The following CNTN5 variants were observed in gnomAD, a reference collection of about 807,000 sequenced individuals.
CNTN5 encodes the protein contactin-5.
In CNTN5, 77 loss-of-function variants were observed where a neutral mutation model predicts 129.1. The ratio of observed to expected loss-of-function variants is 0.60; its 90% CI spans 0.50 to 0.72. CNTN5 has a LOEUF of 0.72. CNTN5 is among the 30% of genes least tolerant of loss of function. The probability of loss-of-function intolerance (pLI) is 0.00; values close to 1 mark genes in which losing one functional copy is unlikely to be tolerated. For synonymous variants in CNTN5, 509 were observed against 465.6 expected (o/e 1.09, Z -1.20); for missense variants, 1,478 against 1,328.8 (o/e 1.11, Z -1.75).
At chr11:99,065,014 A>G (rs1865043609) in intron 1 of CNTN5, among the ~76,000 whole-genome samples, 1 of 152,040 alleles carries the variant, frequency 6.6e-6, no homozygotes, top group Non-Finnish European at 1.5e-5. Flanking sequence ...AACACTTAAA[A>G]CTTAATGGTA....
At chr11:99,864,949 C>CA (rs1225195169) in intron 6 of CNTN5, among the ~76,000 whole-genome samples, 1 of 152,088 alleles carries the variant, frequency 6.6e-6, no homozygotes, top group Non-Finnish European at 1.5e-5. Flanking sequence ...AGAATAAAAA[C>CA]AATCATTGGC....
intron 6 of CNTN5, among the ~76,000 whole-genome samples, chr11:99,907,154 C>A (rs1484400877): frequency 6.6e-6 from 1 of 151,978 alleles, no homozygotes; most frequent in East Asian, 1.9e-4. Context: ...TATTTCTTGT[C>A]TTCTGCTAGC....
At chr11:99,814,317 T>A (rs531481952) in intron 3 of CNTN5, among the ~76,000 whole-genome samples, 12 of 152,262 alleles carry the variant, frequency 7.9e-5, no homozygotes, top group Admixed American at 1.3e-4. Context: ...CTCTATTTTC[T>A]TAATAAAATA....
intron 1 of CNTN5, among the ~76,000 whole-genome samples, chr11:99,151,996 G>C (rs890623793): frequency 2.0e-5 from 3 of 152,082 alleles, no homozygotes; most frequent in African/African-American, 7.2e-5. Flanking sequence ...TTCTGTACTT[G>C]TATCCCAGAA....
intron 6 of CNTN5, among the ~76,000 whole-genome samples, chr11:99,859,743 C>T (rs1948150121): frequency 6.6e-6 from 1 of 152,156 alleles, no homozygotes; most frequent in Non-Finnish European, 1.5e-5. Flanking sequence ...TTTATCCACT[C>T]CACTGTTGAT....
intron 3 of CNTN5, among the ~76,000 whole-genome samples, chr11:99,751,250 T>C (rs962870239): frequency 1.3e-5 from 2 of 152,090 alleles, no homozygotes; most frequent in Non-Finnish European, 2.9e-5. Context: ...GGCAAGAGAA[T>C]TGCTTGAACT....
chr11:99,251,267 A>C (rs1453020377), intron 1 of CNTN5, among the ~76,000 whole-genome samples: 1 of 152,104 alleles, frequency 6.6e-6, no homozygotes, highest in East Asian at 1.9e-4. Flanking sequence ...ATAATTTACT[A>C]TAAGAGAAGA....
At chr11:100,204,352 GCAGA>G (rs1381979233) in intron 15 of CNTN5, among the ~76,000 whole-genome samples, 4 of 43,656 alleles carry the variant, frequency 9.2e-5, no homozygotes, top group African/African-American at 1.4e-4. Context: ...ATAATTATAG[GCAGA>G]CAGATAGATA....
chr11:100,180,605 A>T (rs1243205998), intron 13 of CNTN5, among the ~76,000 whole-genome samples: 1 of 152,022 alleles, frequency 6.6e-6, no homozygotes, highest in African/African-American at 2.4e-5. Context: ...TATGATCTAT[A>T]AAAGGAAAGT....
intron 11 of CNTN5, among the ~76,000 whole-genome samples, chr11:100,071,282 T>C (rs986527134): frequency 5.9e-5 from 9 of 152,144 alleles, no homozygotes; most frequent in Admixed American, 6.6e-5. Context: ...GGATTGTTCT[T>C]ATGACCTGGG....
intron 1 of CNTN5, among the ~76,000 whole-genome samples, chr11:99,062,134 TTTTG>T (rs1215089735): frequency 6.6e-6 from 1 of 152,064 alleles, no homozygotes; most frequent in African/African-American, 2.4e-5. Flanking sequence ...CCCAAGACAA[TTTTG>T]AAGCAAATTA....
chr11:99,934,167 A>G (rs10750426), intron 7 of CNTN5, among the ~76,000 whole-genome samples: 134,424 of 152,264 alleles, frequency 0.88, 59,490 homozygotes, highest in East Asian at 0.95. Flanking sequence ...TTTCCTAGTT[A>G]GCATTCTTTC....
chr11:99,899,634 T>C (rs1218935450), intron 6 of CNTN5, among the ~76,000 whole-genome samples: 1 of 152,050 alleles, frequency 6.6e-6, no homozygotes, highest in African/African-American at 2.4e-5. Flanking sequence ...TGCTAGTGTT[T>C]TGTTGAGGAG....
At chr11:99,370,936 G>A (rs1384219643) in intron 2 of CNTN5, among the ~76,000 whole-genome samples, 1 of 152,198 alleles carries the variant, frequency 6.6e-6, no homozygotes, top group Admixed American at 6.5e-5. Context: ...GGGAGAAGAA[G>A]CCTCCAGGGT....
intron 1 of CNTN5, among the ~76,000 whole-genome samples, chr11:99,259,645 T>C (rs2135819076): frequency 6.6e-6 from 1 of 151,940 alleles, no homozygotes; most frequent in East Asian, 1.9e-4. Flanking sequence ...CTGTTGAGTC[T>C]TGGTTTAAAG....
intron 13 of CNTN5, among the ~76,000 whole-genome samples, chr11:100,179,424 C>T (rs1316947054): frequency 6.6e-6 from 1 of 152,078 alleles, no homozygotes; most frequent in African/African-American, 2.4e-5. Context: ...ATAAGCATAA[C>T]CTTCCTATTC....
chr11:100,005,581 CTTTATT>C (rs1160563943), intron 9 of CNTN5, among the ~76,000 whole-genome samples: 3 of 152,086 alleles, frequency 2.0e-5, no homozygotes, highest in Non-Finnish European at 2.9e-5. Context: ...ATAACTGAAA[CTTTATT>C]TTTATTTTAT....
intron 1 of CNTN5, among the ~76,000 whole-genome samples, chr11:99,307,808 G>T (rs1468588237): frequency 6.6e-6 from 1 of 152,050 alleles, no homozygotes; most frequent in African/African-American, 2.4e-5. Context: ...AAAATGTCAG[G>T]CTGTCATATT....
intron 13 of CNTN5, among the ~76,000 whole-genome samples, chr11:100,150,294 C>T (rs759171928): frequency 1.2e-4 from 18 of 152,132 alleles, no homozygotes; most frequent in Non-Finnish European, 2.4e-4. Context: ...AGGCATTAGA[C>T]ACATATATAT....
Sources: gnomAD v4.1 joint callset for allele counts (sites outside exome capture counted in the v4.1 genomes callset) on GRCh38, gnomAD v4.1.1 for gene constraint, MANE v1.5 for transcripts, NCBI Gene and HGNC (gene_info 2026-07-23, HGNC 2026-07-21) for gene names.